MTAP: variants seen among roughly 807,000 people sequenced by gnomAD.
MTAP encodes S-methyl-5'-thioadenosine phosphorylase.
MTAP carries 33 observed loss-of-function variants against 33.6 expected under a neutral mutation model. That is an observed-to-expected ratio of 0.98 (90% CI 0.74 to 1.31). The LOEUF (loss-of-function observed/expected upper bound fraction) is 1.31. MTAP is among the 40% of genes most tolerant of loss of function. MTAP has a pLI of 0.00. For missense variants in MTAP, 367 were observed against 360.0 expected, an observed-to-expected ratio of 1.02 and a Z score of -0.16; for synonymous variants, 148 against 125.7, an observed-to-expected ratio of 1.18 and a Z score of -1.19.
At chr9:21,871,615 T>A (rs1825938581), downstream of MTAP, among the ~76,000 whole-genome samples, 1 of 152,212 alleles carries the variant, frequency 6.6e-6, no homozygotes, top group African/African-American at 2.4e-5. Flanking sequence ...TATACATATA[T>A]GTATTTGTTA....
Position 21,837,895 on chromosome 9 carries a change from C to G in MTAP, c.348-13C>G, listed in dbSNP as rs1283625308. Reference sequence around the variant, plus strand: ...ATAAAACAAACAAAAACCTTTTTTGCTTTATTTTGTAGGACCACTATGAGA... The same window carrying G: ...ATAAAACAAACAAAAACCTTTTTTGGTTTATTTTGTAGGACCACTATGAGA... On this transcript the variant is annotated splice_polypyrimidine_tract_variant and intron_variant, in intron 4 of 7. Coordinates refer to ENST00000644715, the MANE Select transcript of MTAP (RefSeq NM_002451.4). 6.2e-7 allele frequency: 1 copy of G among 1,601,384 alleles called. No individual in the cohort carries two copies. Among genetic ancestry groups the G allele is most frequent in the Non-Finnish European group, 8.5e-7 (1 of 1,172,672 alleles).
intron 1 of MTAP, among the ~76,000 whole-genome samples, chr9:21,877,932 G>C (rs1275725968): frequency 6.6e-6 from 1 of 152,094 alleles, no homozygotes; most frequent in East Asian, 1.9e-4. Context: ...AGTAGGACTG[G>C]TACCAGCTTT....
rs112134551 is a variant in MTAP at position 21,928,092 on chromosome 9, A to G, written c.148-2916A>G. On this transcript the variant is annotated intron_variant, in intron 1 of 1. Transcript: ENST00000577563. ...CTCCCCAGTGAACTGCCCTTCTCCA[A>G]TACACTAAGGAAGAAATAGATTGGG... Among the ~76,000 whole-genome samples the G allele has an allele frequency of 2.0e-5, 3 of 152,306 alleles. 1 individual carries two copies. Among genetic ancestry groups the G allele is most frequent in the African/African-American group, 4.8e-5 (2 of 41,570 alleles).
intron 4 of MTAP, among the ~76,000 whole-genome samples, chr9:21,837,351 A>C (rs973657351): frequency 6.6e-6 from 1 of 152,222 alleles, no homozygotes; most frequent in African/African-American, 2.4e-5. Flanking sequence ...ATGCAAGGTA[A>C]GTACCTTGTT....
intron 1 of MTAP, among the ~76,000 whole-genome samples, chr9:21,889,939 G>C (rs545170941): frequency 2.0e-5 from 3 of 152,262 alleles, no homozygotes; most frequent in African/African-American, 7.2e-5. Context: ...GCTGATACAA[G>C]CTTGCCCTAA....
chr9:21,854,762 C>T lies in MTAP; in HGVS notation c.582C>T (p.Ile194=). The change falls in exon 6 of 8, where the codon ATC becomes ATT. Residue 194 remains isoleucine, a synonymous_variant. Coordinates refer to ENST00000644715, the MANE Select transcript of MTAP (RefSeq NM_002451.4). ...FMFRTWGADV[I]NMTTVPEVVL... Reference sequence around the variant, plus strand: ...TCCGCACCTGGGGGGCGGATGTTATCAACATGACCACAGTTCCAGAGGTGG... The same window carrying T: ...TCCGCACCTGGGGGGCGGATGTTATTAACATGACCACAGTTCCAGAGGTGG... 6.2e-7 allele frequency: 1 copy of T among 1,614,170 alleles called. No homozygotes were observed. The highest frequency in any genetic ancestry group is 8.5e-7 in the Non-Finnish European group (1 of 1,180,008).
chr9:21,936,852 G>C (rs1223934452), exon 8 of MTAP: 1 of 152,108 alleles, frequency 6.6e-6, no homozygotes, highest in Non-Finnish European at 1.5e-5. Context: ...TTTTGGTAAG[G>C]AAAGCCATAA....
At chr9:21,921,256 C>G (rs912430653) in intron 1 of MTAP, among the ~76,000 whole-genome samples, 2 of 151,942 alleles carry the variant, frequency 1.3e-5, no homozygotes, top group African/African-American at 4.8e-5. Flanking sequence ...TTTGTTAACT[C>G]TCCCTTTTTG....
At chr9:21,834,815 G>A (rs1825062084) in intron 4 of MTAP, among the ~76,000 whole-genome samples, 1 of 152,216 alleles carries the variant, frequency 6.6e-6, no homozygotes. Context: ...TAGGTTCTAA[G>A]GGTTAGCATG....
intron 6 of MTAP, among the ~76,000 whole-genome samples, chr9:21,856,662 G>C (rs10965164): frequency 0.25 from 38,395 of 152,144 alleles, 5,280 homozygotes; most frequent in East Asian, 0.4. Flanking sequence ...GAAATAGTCA[G>C]CTGGAGCTAC....
At chr9:21,892,039 A>T (rs72691591) in intron 1 of MTAP, 1 of 152,212 alleles carries the variant, frequency 6.6e-6, no homozygotes, top group African/African-American at 2.4e-5. Flanking sequence ...TCATAAGAAA[A>T]CGAGAAATAA....
chr9:21,905,832 T>C (rs1042433260), intron 1 of MTAP, among the ~76,000 whole-genome samples: 13 of 152,196 alleles, frequency 8.5e-5, no homozygotes, highest in Non-Finnish European at 1.5e-4. Context: ...TGGAGAGCTA[T>C]ACAATGATGG....
chr9:21,829,420 T>G lies in MTAP; in HGVS notation c.348-8488T>G, dbSNP rs564608833. Among the ~76,000 whole-genome samples, 13 of 147,160 alleles carry G rather than the reference T, an allele frequency of 8.8e-5. No homozygotes were observed. The South Asian group carries it at 1.7e-3, about 19-fold the overall frequency. ...CTCTCTCTCTCATTCTTTTGTTGTTTTTTTTTTTTGTTTGTTTGTTTTTTT... is the reference window on the plus strand; with the variant it reads ...CTCTCTCTCTCATTCTTTTGTTGTTGTTTTTTTTTGTTTGTTTGTTTTTTT... On this transcript the variant is annotated intron_variant, in intron 4 of 7. Coordinates refer to ENST00000644715, the MANE Select transcript of MTAP (RefSeq NM_002451.4).
Position 21,854,907 on chromosome 9 carries a change from G to A in MTAP, c.690+37G>A, listed in dbSNP as rs181448886. ...TCTTTTCTAAGCACATATAGCATGGGTTTCTGGGTGCCAATAGGGTGTCTT... is the reference window on the plus strand; with the variant it reads ...TCTTTTCTAAGCACATATAGCATGGATTTCTGGGTGCCAATAGGGTGTCTT... On this transcript the variant is annotated intron_variant, in intron 6 of 7. Transcript: ENST00000644715. 8.7e-6 allele frequency: 14 copies of A among 1,607,640 alleles called. No homozygotes were observed. The East Asian group carries it at 2.0e-4, about 23-fold the overall frequency.
chr9:21,823,939 C>G (rs955921393), intron 4 of MTAP, among the ~76,000 whole-genome samples: 18 of 152,228 alleles, frequency 1.2e-4, no homozygotes, highest in Non-Finnish European at 2.1e-4. Context: ...AGTTCTCGTA[C>G]TATGGTTTTC....
intron 1 of MTAP, among the ~76,000 whole-genome samples, chr9:21,919,960 A>T (rs1472964203): frequency 6.6e-6 from 1 of 152,176 alleles, no homozygotes; most frequent in Non-Finnish European, 1.5e-5. Flanking sequence ...TAAAATATAA[A>T]AATTCTTCAT....
At chr9:21,831,459 A>G (rs1413441085) in intron 4 of MTAP, among the ~76,000 whole-genome samples, 1 of 151,734 alleles carries the variant, frequency 6.6e-6, no homozygotes, top group Non-Finnish European at 1.5e-5. Flanking sequence ...CCCGTCTAGT[A>G]GCTAGGATTA....
At chr9:21,852,595 T>G (rs1387336970) in intron 5 of MTAP, among the ~76,000 whole-genome samples, 3 of 151,232 alleles carry the variant, frequency 2.0e-5, no homozygotes, top group African/African-American at 7.3e-5. Flanking sequence ...GACTACACAT[T>G]GGGTATAGTG....
intron 1 of MTAP, 22 bp downstream of exon 1, chr9:21,802,803 G>T: frequency 1.2e-6 from 2 of 1,612,302 alleles, no homozygotes; most frequent in Non-Finnish European, 1.7e-6. Flanking sequence ...CCTCCCAGCC[G>T]CAGCGGTTCG....
Sources: gnomAD v4.1 joint callset for allele counts (sites outside exome capture counted in the v4.1 genomes callset) on GRCh38, gnomAD v4.1.1 for gene constraint, MANE v1.5 for transcripts, NCBI Gene and HGNC (gene_info 2026-07-23, HGNC 2026-07-21) for gene names.